The following ZBTB46 variants were observed in gnomAD, a reference collection of about 807,000 sequenced individuals.
The protein encoded by ZBTB46 is zinc finger and BTB domain containing 46.
ZBTB46 carries 8 observed loss-of-function variants against 44.1 expected under a neutral mutation model. That is an observed-to-expected ratio of 0.18 (90% CI 0.11 to 0.33). ZBTB46 has a LOEUF of 0.33. ZBTB46 is among the 10% of genes least tolerant of loss of function. The pLI, the probability that ZBTB46 is intolerant of heterozygous loss-of-function variation, is 1.00. For synonymous variants in ZBTB46, 409 were observed against 382.3 expected (o/e 1.07, Z -0.81); for missense variants, 651 against 847.7 (o/e 0.77, Z 2.88).
At chr20:63,804,787 G>A (rs2092671118) in intron 1 of ZBTB46, among the ~76,000 whole-genome samples, 1 of 151,932 alleles carries the variant, frequency 6.6e-6, no homozygotes, top group African/African-American at 2.4e-5. Flanking sequence ...AGCTACTCGG[G>A]AGGCTGAGGC....
chr20:63,817,715 C>CAAAAAA (rs3068855), intron 1 of ZBTB46, among the ~76,000 whole-genome samples: 3 of 78,798 alleles, frequency 3.8e-5, no homozygotes, highest in African/African-American at 1.3e-4. Context: ...GACTCTGTCT[C>CAAAAAA]AAAAAAAAAA....
rs539255931 is a variant in ZBTB46 at position 63,760,756 on chromosome 20, C to T, written c.1223-7895G>A. 5.3e-5 allele frequency among the ~76,000 whole-genome samples: 8 copies of T among 151,242 alleles called. 1 individual carries two copies. The highest frequency in any genetic ancestry group is 8.9e-5 in the Non-Finnish European group (6 of 67,476). On this transcript the variant is annotated intron_variant, in intron 3 of 4. Coordinates refer to ENST00000245663, the MANE Select transcript of ZBTB46 (RefSeq NM_001369741.1). ...ACAGGCGTGAGCCACCGCGCCAGGCCGAGTTATATCAGTTTTATTATCTTT... is the reference window on the plus strand; with the variant it reads ...ACAGGCGTGAGCCACCGCGCCAGGCTGAGTTATATCAGTTTTATTATCTTT...
rs767805805 is a variant in ZBTB46, at chr20:63,775,932, C to A, written c.968G>T (p.Ser323Ile). The A allele has an allele frequency of 3.7e-5, 59 of 1,585,180 alleles. No individual in the cohort carries two copies. Among genetic ancestry groups the A allele is most frequent in the Non-Finnish European group, 4.8e-5 (56 of 1,168,660 alleles). ...GGCCCTCTCTCCTCGGCTGTCGGAGCTGCTGGCTTCGGTGACGGACAGGTC... is the reference window on the plus strand; with the variant it reads ...GGCCCTCTCTCCTCGGCTGTCGGAGATGCTGGCTTCGGTGACGGACAGGTC... ...NADLSVTEAS[S>I]SDSRGERAEL... The change falls in exon 3 of 5, where the codon AGC (serine) becomes ATC (isoleucine). Residue 323 changes from serine (S) to isoleucine (I), a missense_variant. By Grantham distance (142) the Ser-to-Ile change is moderately radical (BLOSUM62 -2). Transcript: ENST00000245663.
chr20:63,762,182 T>C (rs1260210126), intron 3 of ZBTB46, among the ~76,000 whole-genome samples: 6 of 152,238 alleles, frequency 3.9e-5, no homozygotes, highest in Admixed American at 3.3e-4. Context: ...GATGTGTTTA[T>C]TTCCAGGAAT....
intron 3 of ZBTB46, among the ~76,000 whole-genome samples, chr20:63,756,748 T>C (rs1196195916): frequency 1.3e-5 from 2 of 152,208 alleles, no homozygotes; most frequent in Non-Finnish European, 2.9e-5. Context: ...ACACGTTTTA[T>C]TGCCCTAGGG....
At chr20:63,793,819 G>A (rs987461146) in intron 1 of ZBTB46, among the ~76,000 whole-genome samples, 1 of 143,088 alleles carries the variant, frequency 7.0e-6, no homozygotes, top group Admixed American at 6.9e-5. Flanking sequence ...AATCAGGGCA[G>A]CTTAAAATCA....
chr20:63,831,476 G>A (rs2092852099), upstream of ZBTB46, among the ~76,000 whole-genome samples: 3 of 145,264 alleles, frequency 2.1e-5, no homozygotes, highest in South Asian at 4.2e-4. Context: ...CCGCGGGGTC[G>A]CAGGGGGCCG....
At chr20:63,778,927 G>A (rs1032205132) in intron 2 of ZBTB46, among the ~76,000 whole-genome samples, 2 of 152,184 alleles carry the variant, frequency 1.3e-5, no homozygotes, top group Non-Finnish European at 2.9e-5. Context: ...AGACTGGGAA[G>A]TCCAAGGTCA....
chr20:63,784,836 A>G (rs2092499266), intron 2 of ZBTB46, among the ~76,000 whole-genome samples: 1 of 152,224 alleles, frequency 6.6e-6, no homozygotes, highest in South Asian at 2.1e-4. Context: ...CACTCTTAAA[A>G]GCAAACAGGC....
At chr20:63,748,204 G>A (rs1367191100) in intron 4 of ZBTB46, among the ~76,000 whole-genome samples, 1 of 152,250 alleles carries the variant, frequency 6.6e-6, no homozygotes, top group Non-Finnish European at 1.5e-5. Context: ...AGAGGAGGAG[G>A]TGTGGCTGCC....
chr20:63,819,958 A>G (rs973392408), intron 1 of ZBTB46, among the ~76,000 whole-genome samples: 4 of 152,216 alleles, frequency 2.6e-5, no homozygotes, highest in African/African-American at 9.6e-5. Flanking sequence ...AATACTATAG[A>G]TGTATTTCCA....
rs1329354350 is a variant in ZBTB46 at position 63,765,091 on chromosome 20, ATGTG to A, written c.1222+10583_1222+10586del. 2.0e-4 allele frequency among the ~76,000 whole-genome samples: 26 copies of A among 131,936 alleles called. No individual in the cohort carries two copies. In the East Asian group the frequency reaches 3.6e-3, roughly 18 times the overall value. The allele number at this position is 131,936 out of a possible 152,430, so 86.6% of individuals were successfully genotyped here. A position where few individuals can be genotyped will look rare whatever the true frequency, so the allele number is the denominator to read the frequency against. Reference sequence around the variant, plus strand: ...TGCATGTGTGCGTGTGCATGTGTGCATGTGTATGTGTGGTTGTGTGTGTGTGTGC... The same window carrying A: ...TGCATGTGTGCGTGTGCATGTGTGCATATGTGTGGTTGTGTGTGTGTGTGC... On this transcript the variant is annotated intron_variant, in intron 3 of 4. Coordinates refer to ENST00000245663, the MANE Select transcript of ZBTB46 (RefSeq NM_001369741.1).
intron 1 of ZBTB46, among the ~76,000 whole-genome samples, chr20:63,794,819 C>CCACAAGACACACCGCTGTT (rs151269964): frequency 0.082 from 12,433 of 152,222 alleles, 924 homozygotes; most frequent in East Asian, 0.43. Context: ...ACACCCCTGG[C>CCACAAGACACACCGCTGTT]CACAGGACAC....
Position 63,810,918 on chromosome 20 carries a change from A to G in ZBTB46, c.-33-20128T>C, listed in dbSNP as rs150888491. ...CACTCCTACGAGGAGCTCCAGCAGC[A>G]GAGCCGGAGAGCACCAGCTGGCGTC... On this transcript the variant is annotated intron_variant, in intron 1 of 4. Transcript: ENST00000245663. Among the ~76,000 whole-genome samples, 614 of 152,356 alleles carry G rather than the reference A, an allele frequency of 4.0e-3. 2 individuals are homozygous for G. The highest frequency in any genetic ancestry group is 4.6e-3 in the Non-Finnish European group (314 of 68,030).
chr20:63,759,100 A>G (rs1166050909), intron 3 of ZBTB46, among the ~76,000 whole-genome samples: 2 of 152,126 alleles, frequency 1.3e-5, no homozygotes, highest in East Asian at 3.9e-4. Flanking sequence ...ATTTATCATT[A>G]TCTTCTTTAA....
intron 2 of ZBTB46, among the ~76,000 whole-genome samples, chr20:63,785,082 A>T (rs954760401): frequency 6.6e-6 from 1 of 151,398 alleles, no homozygotes; most frequent in Non-Finnish European, 1.5e-5. Context: ...AAATACAAAA[A>T]TTAGCCGGGC....
At chr20:63,805,795 G>A (rs1208664704) in intron 1 of ZBTB46, among the ~76,000 whole-genome samples, 1 of 150,270 alleles carries the variant, frequency 6.7e-6, no homozygotes, top group Admixed American at 6.7e-5. Context: ...TCGCTCTGTC[G>A]CCCAGGCTGG....
intron 4 of ZBTB46, among the ~76,000 whole-genome samples, chr20:63,751,796 C>T (rs1165299900): frequency 1.9e-4 from 9 of 47,382 alleles, no homozygotes; most frequent in African/African-American, 7.3e-4. Context: ...TGAAGCCCCG[C>T]CCCCGGTGGG....
chr20:63,789,830 GGCT>G lies in ZBTB46; in HGVS notation c.925_927del (p.Ser309del). 6.2e-7 allele frequency: 1 copy of G among 1,609,280 alleles called. No individual in the cohort carries two copies. Among genetic ancestry groups the G allele is most frequent in the Non-Finnish European group, 8.5e-7 (1 of 1,178,710 alleles). Reference sequence around the variant, plus strand: ...CGAGTGAAAGGCTTACTTGAGTCTCGGCTGCTGAACGGCCACCCCGACGTCGGC... The same window carrying G: ...CGAGTGAAAGGCTTACTTGAGTCTCGGCTGAACGGCCACCCCGACGTCGGC... On this transcript the variant is annotated inframe_deletion, in exon 2 of 5. Coordinates refer to ENST00000245663, the MANE Select transcript of ZBTB46 (RefSeq NM_001369741.1).
Sources: allele counts gnomAD v4.1 joint callset (sites outside exome capture counted in the v4.1 genomes callset), GRCh38; gene constraint gnomAD v4.1.1; transcripts MANE v1.5; gene names NCBI Gene and HGNC (gene_info 2026-07-23, HGNC 2026-07-21).